Variants in KLHL13 observed in about 807,000 individuals in gnomAD.
The protein encoded by KLHL13 is kelch like family member 13.
Under a neutral mutation model 37.1 loss-of-function variants are expected in KLHL13, and 10 were observed. The ratio of observed to expected loss-of-function variants is 0.27; its 90% CI spans 0.17 to 0.46. The LOEUF (loss-of-function observed/expected upper bound fraction) is 0.46, where lower values mean the gene tolerates loss of function less well. Among genes scored for constraint, KLHL13 ranks in the 20% least tolerant of loss-of-function variants. The pLI is 1.00. For synonymous variants in KLHL13, 163 were observed against 181.2 expected (o/e 0.90, Z 0.81); for missense variants, 360 against 509.3 (o/e 0.71, Z 2.82).
intron 1 of KLHL13, among the ~76,000 whole-genome samples, chrX:117,971,494 G>C (rs2053522027): frequency 1.0e-5 from 1 of 98,486 alleles, no homozygotes; most frequent in South Asian, 3.9e-4. Flanking sequence ...TTACAAACTA[G>C]CCTATTTTTT....
At chrX:118,026,698 G>A (rs773959048) in intron 1 of KLHL13, among the ~76,000 whole-genome samples, 4 of 111,600 alleles carry the variant, frequency 3.6e-5, no homozygotes, top group Non-Finnish European at 5.7e-5. Flanking sequence ...AATTAATCTT[G>A]CTCATGCCCT....
chrX:118,069,757 GCTAA>G (rs1323749071), intron 1 of KLHL13, among the ~76,000 whole-genome samples: 1 of 111,200 alleles, frequency 9.0e-6, no homozygotes, highest in Non-Finnish European at 1.9e-5. Context: ...GTAAGTTAAG[GCTAA>G]TTTATTACCA....
chrX:118,071,085 C>T (rs1412725034), intron 1 of KLHL13, among the ~76,000 whole-genome samples: 2 of 111,656 alleles, frequency 1.8e-5, no homozygotes, highest in Admixed American at 1.9e-4. Flanking sequence ...AGGACATGAA[C>T]TCATCATTTT....
chrX:117,992,249 A>G (rs1371782290), intron 1 of KLHL13, among the ~76,000 whole-genome samples: 1 of 107,145 alleles, frequency 9.3e-6, no homozygotes, highest in Non-Finnish European at 1.9e-5. Context: ...AAAAAAAAAA[A>G]GGTGCAGAAA....
intron 1 of KLHL13, among the ~76,000 whole-genome samples, chrX:118,002,334 C>T (rs1393027818): frequency 9.0e-6 from 1 of 110,513 alleles, no homozygotes; most frequent in Non-Finnish European, 1.9e-5. Context: ...CGGTGGCTCA[C>T]ACCTGTAATC....
At chrX:117,922,122 AAG>A (rs1422952264) in intron 2 of KLHL13, among the ~76,000 whole-genome samples, 272 of 111,966 alleles carry the variant, frequency 2.4e-3, no homozygotes, top group African/African-American at 8.0e-3. Context: ...ATCTTATAAA[AAG>A]AGATGCCAAT....
At chrX:117,920,547 T>C (rs770523777) in intron 2 of KLHL13, among the ~76,000 whole-genome samples, 177 bp from the exon 4 acceptor site, 1 of 112,320 alleles carries the variant, frequency 8.9e-6, no homozygotes, top group Middle Eastern at 4.6e-3. Context: ...ACAATGCATG[T>C]TTTCTTTCAC....
intron 1 of KLHL13, among the ~76,000 whole-genome samples, chrX:118,055,287 CA>C (rs1163212223): frequency 1.8e-5 from 2 of 111,714 alleles, no homozygotes; most frequent in Admixed American, 9.5e-5. Flanking sequence ...AACAATAGAT[CA>C]AAAAAGTTAA....
At position 117,966,159 on chromosome X, in the gene KLHL13, T is replaced by C. The variant is rs185303563; in HGVS notation, c.98+6572A>G. 8.0e-3 allele frequency among the ~76,000 whole-genome samples: 893 copies of C among 111,695 alleles called. 7 individuals carry two copies. The highest frequency in any genetic ancestry group is 0.028 in the African/African-American group (860 of 30,730). ...ATGATTGTATATCTAGAAAACCCCA[T>C]TGTCTCAGCCCAAAATCTCCTTCAG... On this transcript the variant is annotated intron_variant, in intron 1 of 6. Transcript: ENST00000262820.
chrX:118,009,319 C>T (rs1203480652), intron 1 of KLHL13, among the ~76,000 whole-genome samples: 31 of 69,143 alleles, frequency 4.5e-4, no homozygotes, highest in Non-Finnish European at 7.3e-4. Context: ...ACATGAAGTC[C>T]TTGCCCATGC....
intron 1 of KLHL13, among the ~76,000 whole-genome samples, chrX:118,017,873 T>C (rs951763080): frequency 1.8e-5 from 2 of 111,815 alleles, no homozygotes; most frequent in East Asian, 2.8e-4. Context: ...GTTTCATCTA[T>C]GAAAGACTAC....
intron 1 of KLHL13, among the ~76,000 whole-genome samples, chrX:117,987,189 T>C (rs2053737392): frequency 9.0e-6 from 1 of 111,171 alleles, no homozygotes; most frequent in Admixed American, 9.6e-5. Flanking sequence ...CTGTGACCTT[T>C]GGAAAAATAG....
chrX:118,040,029 G>A (rs1014422734), intron 1 of KLHL13, among the ~76,000 whole-genome samples: 1 of 111,501 alleles, frequency 9.0e-6, no homozygotes, highest in Non-Finnish European at 1.9e-5. Context: ...GAGCCACAGC[G>A]TTACGAGGTT....
rs749990971 is a variant in KLHL13, at chrX:118,061,281, A to G, written c.-56+55227T>C. 1.3e-4 allele frequency among the ~76,000 whole-genome samples: 15 copies of G among 111,659 alleles called. No homozygotes were observed. In the South Asian group the frequency reaches 5.7e-3, roughly 42 times the overall value. On this transcript the variant is annotated intron_variant, in intron 1 of 6. Coordinates refer to the KLHL13 transcript ENST00000371882. Reference sequence around the variant, plus strand: ...GGAAATGTGTTGGGGTACTTTTACCACTCAAAATTATTGAGAGAAACCACG... The same window carrying G: ...GGAAATGTGTTGGGGTACTTTTACCGCTCAAAATTATTGAGAGAAACCACG...
intron 1 of KLHL13, among the ~76,000 whole-genome samples, chrX:118,018,886 G>A (rs1302259729): frequency 1.8e-5 from 2 of 110,968 alleles, no homozygotes; most frequent in Non-Finnish European, 3.8e-5. Context: ...TTGTTTTTAA[G>A]ACTTAGCTTT....
At chrX:118,002,401 A>T (rs994266494) in intron 1 of KLHL13, among the ~76,000 whole-genome samples, 2 of 109,592 alleles carry the variant, frequency 1.8e-5, no homozygotes, top group Non-Finnish European at 3.8e-5. Flanking sequence ...GTTCGAGACC[A>T]GCCTCAACAT....
chrX:118,084,492 T>C (rs776923190), intron 1 of KLHL13, among the ~76,000 whole-genome samples: 1 of 112,177 alleles, frequency 8.9e-6, no homozygotes, highest in East Asian at 2.8e-4. Flanking sequence ...AACAGGTACT[T>C]AGAGGAATAA....
At chrX:118,064,255 A>C (rs1229706016) in intron 1 of KLHL13, among the ~76,000 whole-genome samples, 2 of 111,857 alleles carry the variant, frequency 1.8e-5, no homozygotes, top group African/African-American at 6.5e-5. Flanking sequence ...TGTGTTTTTG[A>C]AAAATAACAG....
intron 1 of KLHL13, among the ~76,000 whole-genome samples, chrX:117,967,638 G>C (rs1419268971): frequency 8.9e-6 from 1 of 111,928 alleles, no homozygotes; most frequent in African/African-American, 3.2e-5. Context: ...ATTGACCAGT[G>C]AATGTCTTTG....
Sources: gnomAD v4.1 joint callset for allele counts (sites outside exome capture counted in the v4.1 genomes callset) on GRCh38, gnomAD v4.1.1 for gene constraint, MANE v1.5 for transcripts, NCBI Gene and HGNC (gene_info 2026-07-23, HGNC 2026-07-21) for gene names.